SPTLC1: variants seen among roughly 807,000 people sequenced by gnomAD.
The protein encoded by SPTLC1 is serine palmitoyltransferase 1.
Under a neutral mutation model 68.9 loss-of-function variants are expected in SPTLC1, and 55 were observed. The ratio of observed to expected loss-of-function variants is 0.80; its 90% CI spans 0.64 to 1.00. The LOEUF is 1.00. Ranked by LOEUF, SPTLC1 falls within the 50% of genes least tolerant of loss-of-function variation. SPTLC1 has a pLI of 0.00. For synonymous variants in SPTLC1, 197 were observed against 201.6 expected, an observed-to-expected ratio of 0.98 and a Z score of 0.19; for missense variants, 449 against 573.1, an observed-to-expected ratio of 0.78 and a Z score of 2.21.
chr9:92,034,790 A>G lies in SPTLC1; in HGVS notation c.1328+20T>C, dbSNP rs751211667. The G allele has an allele frequency of 6.2e-7, 1 of 1,607,968 alleles. No homozygotes were observed. Among genetic ancestry groups the G allele is most frequent in the Non-Finnish European group, 8.5e-7 (1 of 1,175,154 alleles). On this transcript the variant is annotated intron_variant, in intron 14 of 14. Transcript: ENST00000262554. ...CAGAGTAGGGGAAAAAAATAAGGTCATATTTTAACGTCAACTGACCTGGGA... is the reference window on the plus strand; with the variant it reads ...CAGAGTAGGGGAAAAAAATAAGGTCGTATTTTAACGTCAACTGACCTGGGA...
chr9:92,106,652 T>TCC (rs1836004201), intron 3 of SPTLC1, among the ~76,000 whole-genome samples: 1 of 152,016 alleles, frequency 6.6e-6, no homozygotes, highest in Non-Finnish European at 1.5e-5. Flanking sequence ...TGCCTGTCCC[T>TCC]CCACCTTCTC....
At chr9:92,081,788 A>G (rs1267187644) in intron 3 of SPTLC1, among the ~76,000 whole-genome samples, 1 of 152,240 alleles carries the variant, frequency 6.6e-6, no homozygotes, top group African/African-American at 2.4e-5. Context: ...TGATGGGACT[A>G]TGTATCTGTA....
At position 92,089,282 on chromosome 9, in the gene SPTLC1, G is replaced by A. The variant is rs908909217; in HGVS notation, c.261-8319C>T. Among the ~76,000 whole-genome samples, 7 of 152,084 alleles carry A rather than the reference G, an allele frequency of 4.6e-5. No homozygotes were observed. In the South Asian group the frequency reaches 6.2e-4, roughly 14 times the overall value. ...AAAAAAATAAGCTAGGCATGGTGGC[G>A]CATGCCTATAATACCAGCTACTGGG... is the stretch of plus-strand genomic sequence containing the variant. On this transcript the variant is annotated intron_variant, in intron 3 of 14. Transcript: ENST00000262554.
intron 5 of SPTLC1, chr9:92,079,058 A>G (rs544041870): frequency 1.1e-6 from 1 of 943,218 alleles, no homozygotes; most frequent in Admixed American, 6.1e-5. Flanking sequence ...TTCCAGCAAT[A>G]AATTCATTTA....
intron 14 of SPTLC1, 59 bp from the exon 15 acceptor site, chr9:92,032,617 C>T: frequency 1.2e-6 from 2 of 1,608,770 alleles, no homozygotes; most frequent in Non-Finnish European, 1.7e-6. Flanking sequence ...GTGGCTCACG[C>T]CTGTAATCCC....
intron 6 of SPTLC1, among the ~76,000 whole-genome samples, chr9:92,063,068 CAATG>C (rs1313567624): frequency 6.6e-6 from 1 of 151,976 alleles, no homozygotes; most frequent in Non-Finnish European, 1.5e-5. Flanking sequence ...TAGAGAAAAA[CAATG>C]AAACAAAGAG....
chr9:92,097,839 G>A lies in SPTLC1; in HGVS notation c.260+10901C>T, dbSNP rs566857629. On this transcript the variant is annotated intron_variant, in intron 3 of 14. Coordinates refer to ENST00000262554, the MANE Select transcript of SPTLC1 (RefSeq NM_006415.4). Reference sequence around the variant, plus strand: ...GGTATATAGATTACGTATCAATACAGCTGCTGTTTAAAGGAAAAAAACCTT... The same window carrying A: ...GGTATATAGATTACGTATCAATACAACTGCTGTTTAAAGGAAAAAAACCTT... Among the ~76,000 whole-genome samples, 211 of 152,224 alleles carry A rather than the reference G, an allele frequency of 1.4e-3. 1 individual carries two copies. The highest frequency in any genetic ancestry group is 3.8e-3 in the African/African-American group (159 of 41,532).
At chr9:92,096,718 T>C (rs1587600853) in intron 3 of SPTLC1, among the ~76,000 whole-genome samples, 1 of 152,242 alleles carries the variant, frequency 6.6e-6, no homozygotes, top group African/African-American at 2.4e-5. Context: ...GGGCAAAAAC[T>C]ATAAACTGTT....
intron 8 of SPTLC1, among the ~76,000 whole-genome samples, chr9:92,054,556 T>A (rs751418540): frequency 2.6e-5 from 4 of 152,182 alleles, no homozygotes; most frequent in African/African-American, 4.8e-5. Flanking sequence ...TCAAAACTTA[T>A]CAAACTTTAC....
chr9:92,095,007 C>A (rs1343628978), intron 3 of SPTLC1, among the ~76,000 whole-genome samples: 1 of 152,090 alleles, frequency 6.6e-6, no homozygotes, highest in Admixed American at 6.5e-5. Context: ...TAGGGAAAAA[C>A]AGTATGTGTC....
intron 13 of SPTLC1, among the ~76,000 whole-genome samples, chr9:92,036,293 A>C (rs1418751942): frequency 6.6e-6 from 1 of 152,200 alleles, no homozygotes; most frequent in Non-Finnish European, 1.5e-5. Flanking sequence ...CTGTCCACAG[A>C]CTTTTCGTTT....
chr9:92,057,574 G>A (rs546367362), intron 7 of SPTLC1, among the ~76,000 whole-genome samples: 1 of 152,288 alleles, frequency 6.6e-6, no homozygotes, highest in South Asian at 2.1e-4. Flanking sequence ...GTGAGGCCAG[G>A]CTATTTTTCA....
At position 92,038,379 on chromosome 9, in the gene SPTLC1, A is replaced by G; in HGVS notation, c.1137-14T>C. 2 of 1,487,910 alleles carry G rather than the reference A, an allele frequency of 1.3e-6. No homozygotes were observed. The highest frequency in any genetic ancestry group is 2.3e-5 in the South Asian group (2 of 88,680). 92.2% of individuals were successfully genotyped at this position (1,487,910 alleles called of 1,614,324 possible). A position where few individuals can be genotyped will look rare whatever the true frequency, so the allele number is the denominator to read the frequency against. ...AATCCAGAAATGCTGAAGAAGGGAAACACACACACAGCTGTAAGTCCCTTC... is the reference window on the plus strand; with the variant it reads ...AATCCAGAAATGCTGAAGAAGGGAAGCACACACACAGCTGTAAGTCCCTTC... On this transcript the variant is annotated splice_polypyrimidine_tract_variant and intron_variant, in intron 12 of 14. Coordinates refer to ENST00000262554, the MANE Select transcript of SPTLC1 (RefSeq NM_006415.4).
At chr9:92,042,318 G>A (rs186799338) in intron 12 of SPTLC1, among the ~76,000 whole-genome samples, 100 of 152,242 alleles carry the variant, frequency 6.6e-4, no homozygotes, top group Non-Finnish European at 9.7e-4. Context: ...GCATTAGGAA[G>A]GAAAGAGAGA....
At chr9:92,088,244 C>T (rs541868881) in intron 3 of SPTLC1, among the ~76,000 whole-genome samples, 1 of 152,268 alleles carries the variant, frequency 6.6e-6, no homozygotes, top group Admixed American at 6.5e-5. Flanking sequence ...ACATGGTGCG[C>T]TGCACCCACT....
chr9:92,085,837 T>C (rs1346894768), intron 3 of SPTLC1, among the ~76,000 whole-genome samples: 2 of 151,524 alleles, frequency 1.3e-5, no homozygotes, highest in Non-Finnish European at 3.0e-5. Context: ...ATGTTGACAG[T>C]GGGGTGTTAA....
intron 12 of SPTLC1, among the ~76,000 whole-genome samples, chr9:92,045,524 T>TAAAAAAAA (rs71362367): frequency 2.2e-4 from 7 of 31,620 alleles, no homozygotes; most frequent in African/African-American, 5.6e-4. Flanking sequence ...TCTTGTGTAG[T>TAAAAAAAA]AAAAAAAAAA....
intron 14 of SPTLC1, among the ~76,000 whole-genome samples, chr9:92,033,139 T>A (rs556980042): frequency 1.1e-4 from 17 of 152,312 alleles, no homozygotes; most frequent in African/African-American, 4.1e-4. Context: ...ACCACACCAG[T>A]GCACACCCAG....
At chr9:92,088,346 G>A (rs1318661827) in intron 3 of SPTLC1, among the ~76,000 whole-genome samples, 7 of 152,186 alleles carry the variant, frequency 4.6e-5, no homozygotes, top group African/African-American at 9.6e-5. Flanking sequence ...CGTCGCTCAC[G>A]CTGGGAGCTG....
Sources: gnomAD v4.1 joint callset for allele counts (sites outside exome capture counted in the v4.1 genomes callset) on GRCh38, gnomAD v4.1.1 for gene constraint, MANE v1.5 for transcripts, NCBI Gene and HGNC (gene_info 2026-07-23, HGNC 2026-07-21) for gene names.